The following UNC13A variants were observed in gnomAD, a reference collection of about 807,000 sequenced individuals.
The protein encoded by UNC13A is unc-13 homolog A, also known as protein unc-13 homolog A.
Under a neutral mutation model 219.7 loss-of-function variants are expected in UNC13A, and 61 were observed. The ratio of observed to expected loss-of-function variants is 0.28; its 90% CI spans 0.23 to 0.34. The LOEUF (loss-of-function observed/expected upper bound fraction) is 0.34, where lower values mean the gene tolerates loss of function less well. Among genes scored for constraint, UNC13A ranks in the 10% least tolerant of loss-of-function variants. The probability of loss-of-function intolerance (pLI) is 1.00; values close to 1 mark genes in which losing one functional copy is unlikely to be tolerated. For synonymous variants in UNC13A, 920 were observed against 884.6 expected, an observed-to-expected ratio of 1.04 and a Z score of -0.71; for missense variants, 1,476 against 2,270.3, an observed-to-expected ratio of 0.65 and a Z score of 7.11.
At position 17,620,997 on chromosome 19, in the gene UNC13A, G is replaced by C. The variant is rs528390154; in HGVS notation, c.4243-275C>G. On this transcript the variant is annotated intron_variant, in intron 37 of 43. Transcript: ENST00000519716. The stretch of plus-strand genomic sequence containing the variant: ...CCACAGTCAGCCTGCCCCAGGATGG[G>C]GCACCTGGGGAGGTGGGGAGATGAG... 2.6e-5 allele frequency among the ~76,000 whole-genome samples: 4 copies of C among 152,214 alleles called. No homozygotes were observed. In the South Asian group the frequency reaches 8.3e-4, roughly 32 times the overall value.
chr19:17,625,028 C>A (rs2076768209), intron 34 of UNC13A, 76 bp from the exon 35 acceptor site: 1 of 1,556,170 alleles, frequency 6.4e-7, no homozygotes, highest in Non-Finnish European at 8.7e-7. Flanking sequence ...AACAGGTGGG[C>A]AAGGCATTCC....
chr19:17,633,232 A>G (rs1599356386), intron 26 of UNC13A, 39 bp from the exon 27 acceptor site: 5 of 1,592,170 alleles, frequency 3.1e-6, no homozygotes, highest in Middle Eastern at 1.7e-4. Flanking sequence ...TGGCAGGCAG[A>G]AGGCAGATGG....
At chr19:17,647,234 AG>A in intron 17 of UNC13A, 30 bp downstream of exon 17, 1 of 1,536,308 alleles carries the variant, frequency 6.5e-7, no homozygotes, top group Non-Finnish European at 8.8e-7. Flanking sequence ...GTGGAGAAGG[AG>A]GGGCCCTATG....
At chr19:17,663,947 C>A (rs1017844175) in intron 7 of UNC13A, among the ~76,000 whole-genome samples, 3 of 151,134 alleles carry the variant, frequency 2.0e-5, no homozygotes, top group Non-Finnish European at 4.4e-5. Context: ...AGGCACACAC[C>A]ACCATGTTCA....
chr19:17,623,676 AGAAGAGGTGG>A, intron 35 of UNC13A, 129 bp from the exon 36 acceptor site: 1 of 506,874 alleles, frequency 2.0e-6, no homozygotes, highest in Non-Finnish European at 3.4e-6. Context: ...AGCCCAGCCC[AGAAGAGGTGG>A]AAGGATGGGA....
rs755311073 is a variant in UNC13A at position 17,649,327 on chromosome 19, G to A, written c.1524+12C>T. 9.5e-6 allele frequency: 15 copies of A among 1,581,506 alleles called. No homozygotes were observed. Among genetic ancestry groups the A allele is most frequent in the African/African-American group, 5.4e-5 (4 of 74,416 alleles). On this transcript the variant is annotated intron_variant, in intron 14 of 43. Coordinates refer to ENST00000519716, the MANE Select transcript of UNC13A (RefSeq NM_001080421.3). The surrounding 1 kb of genome is among the most constrained non-coding windows in gnomAD (Gnocchi z 4.4). ...GAGAAGATCCCAAGAGGCCCATGTCGCCATCACTCACCATGGCCTGAAGTG... is the reference window on the plus strand; with the variant it reads ...GAGAAGATCCCAAGAGGCCCATGTCACCATCACTCACCATGGCCTGAAGTG...
intron 8 of UNC13A, among the ~76,000 whole-genome samples, chr19:17,661,202 G>T (rs1190870827): frequency 6.6e-6 from 1 of 150,978 alleles, no homozygotes; most frequent in Non-Finnish European, 1.5e-5. Context: ...GCCTCCCAAA[G>T]TGTTGGAATT....
Position 17,674,319 on chromosome 19 carries a change from G to A in UNC13A, c.152+338C>T, listed in dbSNP as rs561520919. 1.2e-4 allele frequency among the ~76,000 whole-genome samples: 19 copies of A among 152,296 alleles called. No individual in the cohort carries two copies. Among genetic ancestry groups the A allele is most frequent in the East Asian group, 9.7e-4 (5 of 5,180 alleles). ...TTTTATTGTGAGGTCGATGAGCCAC[G>A]GACAAGTTTGGAACATGGGAGCGAC... On this transcript the variant is annotated intron_variant, in intron 3 of 43. Coordinates refer to ENST00000519716, the MANE Select transcript of UNC13A (RefSeq NM_001080421.3). The surrounding 1 kb of genome is among the most constrained non-coding windows in gnomAD (Gnocchi z 5.0).
intron 19 of UNC13A, 34 bp downstream of exon 19, chr19:17,645,640 G>C (rs369341537): frequency 5.0e-6 from 8 of 1,612,384 alleles, no homozygotes; most frequent in Non-Finnish European, 6.8e-6. Context: ...CCTGGGACCC[G>C]TCCCCACCCG....
intron 1 of UNC13A, among the ~76,000 whole-genome samples, chr19:17,681,511 C>T (rs2051167633): frequency 6.6e-6 from 1 of 152,082 alleles, no homozygotes; most frequent in African/African-American, 2.4e-5. Context: ...CCTTATCCTC[C>T]GTTGACACAA....
intron 36 of UNC13A, chr19:17,623,135 G>A: frequency 5.0e-6 from 1 of 200,682 alleles, no homozygotes. Flanking sequence ...CTGGGAAGCT[G>A]CTGACAGTTC....
At chr19:17,687,453 G>A (rs144358007) in intron 1 of UNC13A, among the ~76,000 whole-genome samples, 1 of 152,078 alleles carries the variant, frequency 6.6e-6, no homozygotes, top group Non-Finnish European at 1.5e-5. Flanking sequence ...AGAACCGGAG[G>A]GGGCAGGGAG....
At chr19:17,614,966 G>C (rs2076646960) in intron 41 of UNC13A, among the ~76,000 whole-genome samples, 1 of 152,178 alleles carries the variant, frequency 6.6e-6, no homozygotes, top group African/African-American at 2.4e-5. Flanking sequence ...AGGGGGGAGG[G>C]AGGCAGTGCT....
chr19:17,633,066 C>A (rs2076874302), intron 27 of UNC13A, 42 bp downstream of exon 27: 1 of 1,611,740 alleles, frequency 6.2e-7, no homozygotes, highest in African/African-American at 1.3e-5. Context: ...GTACAGCCAC[C>A]TGGTGTGGCC....
rs377263504 is a variant in UNC13A, at chr19:17,640,665, G to C, written c.2637-4C>G. On this transcript the variant is annotated splice_polypyrimidine_tract_variant and splice_region_variant and intron_variant, in intron 21 of 43. Transcript: ENST00000519716. Reference sequence around the variant, plus strand: ...GGAGGAGAGGCAGGCAAAGTGGCTGGAGAGAGGGAGCAGGAGGCACTAGGC... The same window carrying C: ...GGAGGAGAGGCAGGCAAAGTGGCTGCAGAGAGGGAGCAGGAGGCACTAGGC... 1.1e-5 allele frequency: 17 copies of C among 1,577,934 alleles called. No individual in the cohort carries two copies. The African/African-American group carries it at 2.0e-4, about 19-fold the overall frequency.
At chr19:17,630,358 C>T in intron 29 of UNC13A, 70 bp from the exon 30 acceptor site, 1 of 1,537,232 alleles carries the variant, frequency 6.5e-7, no homozygotes, top group Non-Finnish European at 8.8e-7. Context: ...CCAACTCTCC[C>T]ACTCTCCACG....
chr19:17,637,299 ATT>A (rs35106865), intron 25 of UNC13A, among the ~76,000 whole-genome samples: 169 of 137,320 alleles, frequency 1.2e-3, no homozygotes, highest in African/African-American at 2.6e-3. Flanking sequence ...GTCAAGAACA[ATT>A]TTTTTTTTTT....
At chr19:17,640,325 C>G (rs969345773) in intron 22 of UNC13A, among the ~76,000 whole-genome samples, 186 bp downstream of exon 22, 1 of 152,184 alleles carries the variant, frequency 6.6e-6, no homozygotes, top group African/African-American at 2.4e-5. Flanking sequence ...AGGCATGAGC[C>G]ACTGCGCCCG....
Position 17,609,936 on chromosome 19 carries a change from T to G in UNC13A, c.4811+4A>C. ...CCATGCTCTTCAAAGCATCCCAAAC[T>G]CACAACTGGAAGCTCTCATTGTACT... On this transcript the variant is annotated splice_donor_region_variant and intron_variant, in intron 43 of 43. Coordinates refer to ENST00000519716, the MANE Select transcript of UNC13A (RefSeq NM_001080421.3). 1 of 1,613,208 alleles carries G rather than the reference T, an allele frequency of 6.2e-7. No homozygotes were observed. Among genetic ancestry groups the G allele is most frequent in the Non-Finnish European group, 8.5e-7 (1 of 1,179,852 alleles).
Sources: gnomAD v4.1 joint callset for allele counts (sites outside exome capture counted in the v4.1 genomes callset) on GRCh38, gnomAD v4.1.1 for gene constraint, Gnocchi (gnomAD v3.1) non-coding constraint, MANE v1.5 for transcripts, NCBI Gene and HGNC (gene_info 2026-07-23, HGNC 2026-07-21) for gene names.